Variants in ZMAT4 observed in about 807,000 individuals in gnomAD.
The protein encoded by ZMAT4 is zinc finger matrin-type 4.
A neutral mutation model predicts 28.7 loss-of-function variants in ZMAT4; 17 were observed. The ratio of observed to expected loss-of-function variants is 0.59; its 90% CI spans 0.41 to 0.89. ZMAT4 has a LOEUF of 0.89. Ranked by LOEUF, ZMAT4 falls within the 40% of genes least tolerant of loss-of-function variation. The probability of loss-of-function intolerance (pLI) is 0.00; values close to 1 mark genes in which losing one functional copy is unlikely to be tolerated. For synonymous variants in ZMAT4, 117 were observed against 109.2 expected (o/e 1.07, Z -0.44); for missense variants, 240 against 283.8 (o/e 0.85, Z 1.11).
At chr8:40,759,385 T>C (rs1448749994) in intron 3 of ZMAT4, among the ~76,000 whole-genome samples, 1 of 151,830 alleles carries the variant, frequency 6.6e-6, no homozygotes, top group Non-Finnish European at 1.5e-5. Context: ...GTAAAGGTCA[T>C]AAGATAGTAT....
intron 5 of ZMAT4, among the ~76,000 whole-genome samples, chr8:40,588,904 G>T (rs1304382206): frequency 6.6e-6 from 1 of 152,062 alleles, no homozygotes; most frequent in Non-Finnish European, 1.5e-5. Context: ...ATCAACACAA[G>T]AATTGATCGT....
rs1563263363 is a variant in ZMAT4 at position 40,881,447 on chromosome 8, GAAAGAAAGAAAGAAAGAAAGAA to G, written c.-5+16214_-5+16235del. 7.3e-4 allele frequency among the ~76,000 whole-genome samples: 84 copies of G among 115,610 alleles called. 1 individual carries two copies. The highest frequency in any genetic ancestry group is 2.9e-3 in the African/African-American group (82 of 28,082). 75.8% of individuals were successfully genotyped at this position (115,610 alleles called of 152,430 possible). Reference sequence around the variant, plus strand: ...AAGAAGAAAGAGAGAAAGAAAGAAAGAAAGAAAGAAAGAAAGAAAGAAAGAAAGAAAGAAAGAAAGAAAGAAA... The same window carrying G: ...AAGAAGAAAGAGAGAAAGAAAGAAAGAGAAAGAAAGAAAGAAAGAAAGAAA... On this transcript the variant is annotated intron_variant, in intron 1 of 6. Coordinates refer to ENST00000297737, the MANE Select transcript of ZMAT4 (RefSeq NM_024645.3).
intron 2 of ZMAT4, among the ~76,000 whole-genome samples, chr8:40,816,160 C>A (rs572502778): frequency 1.3e-5 from 2 of 152,108 alleles, no homozygotes; most frequent in African/African-American, 4.8e-5. Flanking sequence ...AGAAAACATG[C>A]GATTGAGTTC....
At chr8:40,767,753 G>A in intron 2 of ZMAT4, 23 bp from the exon 3 acceptor site, 1 of 1,595,678 alleles carries the variant, frequency 6.3e-7, no homozygotes. Context: ...AGCATAAGCA[G>A]ATACTGTAAA....
At chr8:40,591,787 G>A (rs1006878714) in intron 5 of ZMAT4, among the ~76,000 whole-genome samples, 1 of 152,186 alleles carries the variant, frequency 6.6e-6, no homozygotes, top group Non-Finnish European at 1.5e-5. Context: ...CTAAGAGGAT[G>A]AAAGGGTTGT....
At chr8:40,888,974 C>A (rs1818569547) in intron 1 of ZMAT4, among the ~76,000 whole-genome samples, 1 of 152,200 alleles carries the variant, frequency 6.6e-6, no homozygotes, top group African/African-American at 2.4e-5. Flanking sequence ...CCCAGAGTAG[C>A]CCACTCTGAA....
intron 3 of ZMAT4, among the ~76,000 whole-genome samples, chr8:40,727,064 T>G (rs982889428): frequency 1.3e-5 from 2 of 152,210 alleles, no homozygotes; most frequent in African/African-American, 4.8e-5. Context: ...ACCAACTGGC[T>G]TGAGGAAATT....
rs377551173 is a variant in ZMAT4 at position 40,581,211 on chromosome 8, T to C, written c.628A>G (p.Ile210Val). The change falls in exon 6 of 7, where the codon ATA becomes GTA. Residue 210 changes from isoleucine (I) to valine (V), a missense_variant. Transcript: ENST00000297737. Reference protein sequence around the residue: ...CTICSVSLNSIEQYHAHLKGS... With the variant: ...CTICSVSLNSVEQYHAHLKGS... ...TTCAGATGGGCATGATACTGTTCTA[T>C]TGAGTTTAGGGAGACACTGCAGATG... 7 of 1,613,408 alleles carry C rather than the reference T, an allele frequency of 4.3e-6. No homozygotes were observed. Among genetic ancestry groups the C allele is most frequent in the East Asian group, 2.2e-5 (1 of 44,834 alleles).
chr8:40,565,991 G>T (rs1048129526), intron 6 of ZMAT4, among the ~76,000 whole-genome samples: 4 of 152,030 alleles, frequency 2.6e-5, no homozygotes, highest in Non-Finnish European at 5.9e-5. Flanking sequence ...GCGCTTTAGG[G>T]TTTAGGCGTT....
intron 1 of ZMAT4, among the ~76,000 whole-genome samples, chr8:40,879,237 C>T (rs766431722): frequency 2.0e-4 from 30 of 151,444 alleles, no homozygotes; most frequent in Admixed American, 4.6e-4. Flanking sequence ...TCCTGAGCAA[C>T]GTGGCCAGAC....
intron 1 of ZMAT4, among the ~76,000 whole-genome samples, chr8:40,859,314 A>G (rs1315400820): frequency 1.3e-5 from 2 of 152,118 alleles, no homozygotes; most frequent in Admixed American, 1.3e-4. Flanking sequence ...AGGTGACACA[A>G]ATTCACAAAA....
chr8:40,736,917 G>A (rs1002576224), intron 3 of ZMAT4, among the ~76,000 whole-genome samples: 2 of 9,274 alleles, frequency 2.2e-4, no homozygotes, highest in Non-Finnish European at 0.015. Flanking sequence ...GACTGGGCAG[G>A]CTTCATTGAC....
At chr8:40,895,858 C>T (rs1004010707) in intron 1 of ZMAT4, among the ~76,000 whole-genome samples, 2 of 152,202 alleles carry the variant, frequency 1.3e-5, no homozygotes, top group African/African-American at 4.8e-5. Flanking sequence ...GGGGGCTGCC[C>T]CTCCTGGGCT....
At chr8:40,589,741 TTTC>T (rs1367583690) in intron 5 of ZMAT4, among the ~76,000 whole-genome samples, 1 of 147,326 alleles carries the variant, frequency 6.8e-6, no homozygotes, top group Non-Finnish European at 1.5e-5. Flanking sequence ...CCTTTCTTTC[TTTC>T]TTTCTTTCTT....
chr8:40,844,303 C>T lies in ZMAT4; in HGVS notation c.-4-18623G>A, dbSNP rs148783555. Among the ~76,000 whole-genome samples the T allele has an allele frequency of 3.7e-3, 568 of 152,214 alleles. 5 individuals carry two copies. The highest frequency in any genetic ancestry group is 0.012 in the African/African-American group (517 of 41,532). On this transcript the variant is annotated intron_variant, in intron 1 of 6. Coordinates refer to ENST00000297737, the MANE Select transcript of ZMAT4 (RefSeq NM_024645.3). ...CCAGAAGAGATTAGTGTTTGAATTG[C>T]GTAGACTGAGCAGAGATCACCTCCA...
At chr8:40,853,068 AT>A (rs1265113980) in intron 1 of ZMAT4, among the ~76,000 whole-genome samples, 2 of 151,990 alleles carry the variant, frequency 1.3e-5, no homozygotes, top group East Asian at 1.9e-4. Flanking sequence ...TCTACCAGTC[AT>A]TTTTTTTCAG....
chr8:40,763,538 C>T (rs1271212975), intron 3 of ZMAT4, among the ~76,000 whole-genome samples: 4 of 152,246 alleles, frequency 2.6e-5, no homozygotes, highest in South Asian at 4.1e-4. Context: ...AACAACAATG[C>T]TCCCTGGCTC....
At chr8:40,761,541 C>T (rs1812938041) in intron 3 of ZMAT4, among the ~76,000 whole-genome samples, 1 of 152,188 alleles carries the variant, frequency 6.6e-6, no homozygotes, top group South Asian at 2.1e-4. Flanking sequence ...CTTCTCTGAT[C>T]ATCAACTTCA....
chr8:40,629,661 G>T (rs1176904605), intron 5 of ZMAT4, among the ~76,000 whole-genome samples: 2 of 150,598 alleles, frequency 1.3e-5, no homozygotes, highest in African/African-American at 2.4e-5. Flanking sequence ...GCGGTGTTTG[G>T]TTTTTTGTCC....
Sources: gnomAD v4.1 joint callset for allele counts (sites outside exome capture counted in the v4.1 genomes callset) on GRCh38, gnomAD v4.1.1 for gene constraint, MANE v1.5 for transcripts, NCBI Gene and HGNC (gene_info 2026-07-23, HGNC 2026-07-21) for gene names.